PCDHGA2: variants seen among roughly 807,000 people sequenced by gnomAD.
The protein encoded by PCDHGA2 is protocadherin gamma subfamily A, 2.
Under a neutral mutation model 59.2 loss-of-function variants are expected in PCDHGA2, and 40 were observed. That is an observed-to-expected ratio of 0.68 (90% CI 0.52 to 0.88). The LOEUF is 0.88. Among genes scored for constraint, PCDHGA2 ranks in the 40% least tolerant of loss-of-function variants. The pLI, the probability that PCDHGA2 is intolerant of heterozygous loss-of-function variation, is 0.00. For synonymous variants in PCDHGA2, 560 were observed against 526.0 expected, an observed-to-expected ratio of 1.06 and a Z score of -0.89; for missense variants, 1,226 against 1,204.0, an observed-to-expected ratio of 1.02 and a Z score of -0.27.
At chr5:141,438,591 C>CATATATATATATATATATAT (rs946798767) in intron 1 of PCDHGA2, among the ~76,000 whole-genome samples, 1 of 75,562 alleles carries the variant, frequency 1.3e-5, no homozygotes, top group Non-Finnish European at 2.7e-5. Context: ...TACATACATA[C>CATATATATATATATATATAT]ATATATATAT....
Position 141,408,306 on chromosome 5 carries a change from A to C in PCDHGA2, c.2424+66911A>C, listed in dbSNP as rs866086431. On this transcript the variant is annotated intron_variant, in intron 1 of 3. Transcript: ENST00000394576. Reference sequence around the variant, plus strand: ...CCCACCCTGAGTGAGCCGATCCGCTACTCGATTCCGGAGGAGCTGGCCAAG... The same window carrying C: ...CCCACCCTGAGTGAGCCGATCCGCTCCTCGATTCCGGAGGAGCTGGCCAAG... The C allele has an allele frequency of 1.2e-6, 2 of 1,613,586 alleles. No homozygotes were observed. Among genetic ancestry groups the C allele is most frequent in the South Asian group, 1.1e-5 (1 of 91,062 alleles).
chr5:141,410,640 G>A (rs747132686), intron 1 of PCDHGA2: 1 of 1,599,056 alleles, frequency 6.3e-7, no homozygotes, highest in Non-Finnish European at 8.5e-7. Flanking sequence ...TCTTTTTTGT[G>A]TGTGATTTAT....
At position 141,487,051 on chromosome 5, in the gene PCDHGA2, G is replaced by A. The variant is rs1348441475; in HGVS notation, c.2425-7756G>A. The A allele has an allele frequency of 3.7e-6, 6 of 1,614,024 alleles. No individual in the cohort carries two copies. The highest frequency in any genetic ancestry group is 5.1e-6 in the Non-Finnish European group (6 of 1,180,024). On this transcript the variant is annotated intron_variant, in intron 1 of 3. Coordinates refer to ENST00000394576, the MANE Select transcript of PCDHGA2 (RefSeq NM_018915.4). This position sits in a 1 kb window ranked among gnomAD's most constrained non-coding sequence, Gnocchi z 5.0. ...TGTTTGCAGTCTCTCGATATGCTGG[G>A]GAGGTGCGGACGGCTGTTCCTATCC... is the stretch of plus-strand genomic sequence containing the variant.
intron 1 of PCDHGA2, chr5:141,433,123 C>G (rs575738328): frequency 3.7e-6 from 6 of 1,614,116 alleles, no homozygotes; most frequent in Non-Finnish European, 5.1e-6. Context: ...TTGAAAAAAG[C>G]GAGCCCCTTT....
At chr5:141,350,953 T>C in intron 1 of PCDHGA2, 1 of 1,614,052 alleles carries the variant, frequency 6.2e-7, no homozygotes, top group Non-Finnish European at 8.5e-7. Context: ...GAGTTACGGA[T>C]GCCAATGATA....
chr5:141,468,939 G>A (rs2099186103), intron 1 of PCDHGA2, among the ~76,000 whole-genome samples: 1 of 144,350 alleles, frequency 6.9e-6, no homozygotes, highest in Non-Finnish European at 1.5e-5. Context: ...ATGGGAGATG[G>A]GGTAAACCTG....
chr5:141,438,037 G>A (rs2097925203), intron 1 of PCDHGA2, among the ~76,000 whole-genome samples: 1 of 151,910 alleles, frequency 6.6e-6, no homozygotes, highest in African/African-American at 2.4e-5. Flanking sequence ...CACCATGCCC[G>A]ACCACTTTGA....
At chr5:141,482,530 CAAA>C (rs3074545) in intron 1 of PCDHGA2, among the ~76,000 whole-genome samples, 29 of 76,552 alleles carry the variant, frequency 3.8e-4, no homozygotes, top group African/African-American at 9.1e-4. Context: ...GACAGACATG[CAAA>C]AAAAAAAAAA....
chr5:141,376,457 C>T (rs945491393), intron 1 of PCDHGA2: 1 of 1,614,214 alleles, frequency 6.2e-7, no homozygotes, highest in Non-Finnish European at 8.5e-7. Context: ...CGAGCCTCTT[C>T]TGATAACTCA....
intron 1 of PCDHGA2, chr5:141,343,154 G>A (rs1042643058): frequency 3.8e-6 from 1 of 264,764 alleles, no homozygotes; most frequent in African/African-American, 2.3e-5. Context: ...GGAAGCTACT[G>A]TGTCTATATT....
At chr5:141,448,887 G>T (rs1160586933) in intron 1 of PCDHGA2, among the ~76,000 whole-genome samples, 1 of 152,172 alleles carries the variant, frequency 6.6e-6, no homozygotes, top group East Asian at 1.9e-4. Flanking sequence ...GGAGCTTGCA[G>T]TGAGCCGAGA....
chr5:141,477,532 C>A lies in PCDHGA2; in HGVS notation c.2425-17275C>A. 6.2e-7 allele frequency: 1 copy of A among 1,614,146 alleles called. No individual in the cohort carries two copies. The highest frequency in any genetic ancestry group is 8.5e-7 in the Non-Finnish European group (1 of 1,180,028). ...TTTACATTGAAGAAAACAACCTCCC[C>A]GGGGCTCCAATACTAAACCTAAGTG... On this transcript the variant is annotated intron_variant, in intron 1 of 3. Coordinates refer to ENST00000394576, the MANE Select transcript of PCDHGA2 (RefSeq NM_018915.4). The surrounding 1 kb of genome is among the most constrained non-coding windows in gnomAD (Gnocchi z 4.9).
intron 1 of PCDHGA2, chr5:141,360,236 G>T (rs377333161): frequency 3.7e-6 from 6 of 1,613,850 alleles, no homozygotes; most frequent in Non-Finnish European, 5.1e-6. Context: ...GTCCAGATCC[G>T]CTATTCAATT....
At chr5:141,366,313 C>T (rs1764486391) in intron 1 of PCDHGA2, 1 of 1,613,760 alleles carries the variant, frequency 6.2e-7, no homozygotes, top group Non-Finnish European at 8.5e-7. Context: ...TCACGGTCAC[C>T]GTTGCCGTGG....
At chr5:141,372,707 G>A (rs1451654894) in intron 1 of PCDHGA2, 2 of 1,613,964 alleles carry the variant, frequency 1.2e-6, no homozygotes, top group Non-Finnish European at 1.7e-6. Flanking sequence ...TCAATATAAA[G>A]GCTGAAAATG....
Position 141,474,403 on chromosome 5 carries a change from C to T in PCDHGA2, c.2425-20404C>T, listed in dbSNP as rs553745731. ...ATTTCTGCATTTCTAACAAGCTCCC[C>T]GGTGATGCCTAGACCATTGGTCCTC... is the stretch of plus-strand genomic sequence containing the variant. On this transcript the variant is annotated intron_variant, in intron 1 of 3. Coordinates refer to ENST00000394576, the MANE Select transcript of PCDHGA2 (RefSeq NM_018915.4). Among the ~76,000 whole-genome samples, 121 of 152,282 alleles carry T rather than the reference C, an allele frequency of 7.9e-4. 1 individual carries two copies. Among genetic ancestry groups the T allele is most frequent in the Admixed American group, 3.9e-3 (59 of 15,292 alleles).
chr5:141,418,016 G>C (rs772945671), intron 1 of PCDHGA2: 1 of 1,613,968 alleles, frequency 6.2e-7, no homozygotes, highest in Non-Finnish European at 8.5e-7. Context: ...CCTCGCTAAG[G>C]ATCTAGGGCT....
intron 1 of PCDHGA2, among the ~76,000 whole-genome samples, chr5:141,433,497 C>G (rs2097615154): frequency 6.6e-6 from 1 of 152,076 alleles, no homozygotes; most frequent in Non-Finnish European, 1.5e-5. Flanking sequence ...CCCTCCCAAA[C>G]TGCTGGGATT....
At chr5:141,403,895 T>G in intron 1 of PCDHGA2, 1 of 1,613,884 alleles carries the variant, frequency 6.2e-7, no homozygotes, top group Non-Finnish European at 8.5e-7. Context: ...ATGTTCATTT[T>G]ATGAAATGGA....
Sources: gnomAD v4.1 joint callset for allele counts (sites outside exome capture counted in the v4.1 genomes callset) on GRCh38, gnomAD v4.1.1 for gene constraint, Gnocchi (gnomAD v3.1) non-coding constraint, MANE v1.5 for transcripts, NCBI Gene and HGNC (gene_info 2026-07-23, HGNC 2026-07-21) for gene names.